The following LRRTM4 variants were observed in gnomAD, a reference collection of about 807,000 sequenced individuals.
LRRTM4 encodes leucine rich repeat transmembrane neuronal 4.
A neutral mutation model predicts 47.6 loss-of-function variants in LRRTM4; 25 were observed. The ratio of observed to expected loss-of-function variants is 0.53; its 90% CI spans 0.38 to 0.73. The LOEUF is 0.73. Ranked by LOEUF, LRRTM4 falls within the 30% of genes least tolerant of loss-of-function variation. The probability of loss-of-function intolerance (pLI) is 0.00; values close to 1 mark genes in which losing one functional copy is unlikely to be tolerated. For missense variants in LRRTM4, 638 were observed against 713.4 expected (o/e 0.89, Z 1.20); for synonymous variants, 311 against 269.5 (o/e 1.15, Z -1.51).
intron 3 of LRRTM4, among the ~76,000 whole-genome samples, chr2:77,311,767 A>C (rs1316564096): frequency 6.6e-6 from 1 of 152,208 alleles, no homozygotes; most frequent in Non-Finnish European, 1.5e-5. Flanking sequence ...CACAGGTCAG[A>C]CACAAATTTA....
intron 3 of LRRTM4, among the ~76,000 whole-genome samples, chr2:77,047,217 C>T (rs73940250): frequency 6.6e-6 from 1 of 151,910 alleles, no homozygotes; most frequent in African/African-American, 2.4e-5. Context: ...ATGAACTGAG[C>T]CTTACTCAGT....
chr2:77,046,760 A>G (rs1423991629), intron 3 of LRRTM4, among the ~76,000 whole-genome samples: 7 of 152,032 alleles, frequency 4.6e-5, no homozygotes, highest in Non-Finnish European at 8.8e-5. Context: ...ACATGCATGT[A>G]TATCTATGCC....
intron 3 of LRRTM4, among the ~76,000 whole-genome samples, chr2:76,998,769 G>GTT (rs544805115): frequency 0.014 from 1,911 of 138,732 alleles, 40 homozygotes; most frequent in African/African-American, 0.046. Flanking sequence ...TATATTTTCT[G>GTT]TTTTTTTTTT....
At chr2:76,843,567 T>C (rs1176253577) in intron 3 of LRRTM4, among the ~76,000 whole-genome samples, 2 of 152,180 alleles carry the variant, frequency 1.3e-5, no homozygotes, top group Non-Finnish European at 2.9e-5. Context: ...ATAATAACAA[T>C]AAATTATTTT....
At chr2:77,313,617 T>G (rs979219844) in intron 3 of LRRTM4, among the ~76,000 whole-genome samples, 1 of 152,160 alleles carries the variant, frequency 6.6e-6, no homozygotes, top group Non-Finnish European at 1.5e-5. Context: ...GCCCTATATT[T>G]GTTTTCATCT....
intron 3 of LRRTM4, among the ~76,000 whole-genome samples, chr2:76,981,162 T>G (rs1676594959): frequency 6.6e-6 from 1 of 152,148 alleles, no homozygotes; most frequent in East Asian, 1.9e-4. Flanking sequence ...GTTCATTCAT[T>G]CGTTATTCAA....
rs553820658 is a variant in LRRTM4 at position 77,172,089 on chromosome 2, C to T, written c.1551+346229G>A. Among the ~76,000 whole-genome samples, 168 of 152,290 alleles carry T rather than the reference C, an allele frequency of 1.1e-3. 2 individuals are homozygous for T. Among genetic ancestry groups the T allele is most frequent in the African/African-American group, 3.2e-3 (133 of 41,566 alleles). Reference sequence around the variant, plus strand: ...TCTGCCTGCAACTTCCTTACAATTTCCTTCTCTTATACTTTCAAATTTTAA... The same window carrying T: ...TCTGCCTGCAACTTCCTTACAATTTTCTTCTCTTATACTTTCAAATTTTAA... On this transcript the variant is annotated intron_variant, in intron 3 of 3. Transcript: ENST00000409884.
intron 3 of LRRTM4, among the ~76,000 whole-genome samples, chr2:77,395,962 A>T (rs923361690): frequency 5.0e-4 from 76 of 152,020 alleles, no homozygotes; most frequent in African/African-American, 1.7e-3. Flanking sequence ...TGATTCTATG[A>T]CATTTGCCAG....
chr2:77,252,997 T>C (rs539557436), intron 3 of LRRTM4, among the ~76,000 whole-genome samples: 1 of 152,198 alleles, frequency 6.6e-6, no homozygotes, highest in South Asian at 2.1e-4. Context: ...AAATTTCTCC[T>C]GTGCCCAATA....
chr2:77,350,311 C>T (rs1213247182), intron 3 of LRRTM4, among the ~76,000 whole-genome samples: 3 of 105,114 alleles, frequency 2.9e-5, no homozygotes, highest in Admixed American at 1.6e-4. Context: ...CCGGCCTGGG[C>T]GACAGAGCAA....
chr2:76,800,942 G>T (rs575786622), intron 3 of LRRTM4, among the ~76,000 whole-genome samples: 12 of 151,220 alleles, frequency 7.9e-5, no homozygotes, highest in African/African-American at 2.9e-4. Flanking sequence ...TCAGAGAAAT[G>T]CAAATGAAAA....
chr2:77,157,710 A>G (rs1278635512), intron 3 of LRRTM4, among the ~76,000 whole-genome samples: 2 of 152,114 alleles, frequency 1.3e-5, no homozygotes, highest in Non-Finnish European at 2.9e-5. Context: ...TTCATTATTA[A>G]GATATTTATG....
chr2:77,395,335 C>CA (rs1043441247), intron 3 of LRRTM4, among the ~76,000 whole-genome samples: 2 of 151,880 alleles, frequency 1.3e-5, no homozygotes, highest in Non-Finnish European at 2.9e-5. Context: ...TTTAGTCTTA[C>CA]TTCATGTGTA....
chr2:77,505,073 T>C (rs1351560934), intron 3 of LRRTM4, among the ~76,000 whole-genome samples: 3 of 151,168 alleles, frequency 2.0e-5, no homozygotes, highest in African/African-American at 7.3e-5. Context: ...GAACATAATA[T>C]TAAGATCTCT....
At chr2:76,921,953 G>A (rs879351389) in intron 3 of LRRTM4, among the ~76,000 whole-genome samples, 2 of 151,964 alleles carry the variant, frequency 1.3e-5, no homozygotes, top group South Asian at 2.1e-4. Flanking sequence ...GCATTTTCAC[G>A]TTCATTGCAG....
In LRRTM4 at chr2:76,815,471, T is replaced by A. The variant is rs568725618; in HGVS notation, c.1552-66555A>T. On this transcript the variant is annotated intron_variant, in intron 3 of 3. Transcript: ENST00000409884. ...GGCTGATATCAGCTGAAAGAGATGATGAAATTAATTAATATCTATCAACTG... is the reference window on the plus strand; with the variant it reads ...GGCTGATATCAGCTGAAAGAGATGAAGAAATTAATTAATATCTATCAACTG... 3.3e-5 allele frequency among the ~76,000 whole-genome samples: 5 copies of A among 152,102 alleles called. No individual in the cohort carries two copies. In the South Asian group the frequency reaches 1.0e-3, roughly 31 times the overall value.
chr2:76,821,342 A>C (rs7566328), intron 3 of LRRTM4, among the ~76,000 whole-genome samples: 64,600 of 151,426 alleles, frequency 0.43, 14,424 homozygotes, highest in East Asian at 0.68. Flanking sequence ...GCTCCCTTCA[A>C]TCCAGTTGGA....
intron 3 of LRRTM4, among the ~76,000 whole-genome samples, chr2:76,749,926 T>C (rs543609843): frequency 6.6e-6 from 1 of 152,342 alleles, no homozygotes; most frequent in Admixed American, 6.5e-5. Flanking sequence ...TAAGGTTAGA[T>C]GTTGTGGCAG....
intron 3 of LRRTM4, among the ~76,000 whole-genome samples, chr2:76,820,052 T>G (rs1039752374): frequency 6.6e-6 from 1 of 151,966 alleles, no homozygotes; most frequent in African/African-American, 2.4e-5. Context: ...TTTCCTTTAA[T>G]AAAATTTCTT....
Sources: allele counts gnomAD v4.1 joint callset (sites outside exome capture counted in the v4.1 genomes callset), GRCh38; gene constraint gnomAD v4.1.1; transcripts MANE v1.5; gene names NCBI Gene and HGNC (gene_info 2026-07-23, HGNC 2026-07-21).